NPAS3: variants seen among roughly 807,000 people sequenced by gnomAD.
NPAS3 encodes the protein neuronal PAS domain protein 3.
In NPAS3, 14 loss-of-function variants were observed where a neutral mutation model predicts 73.1. The ratio of observed to expected loss-of-function variants is 0.19; its 90% confidence interval spans 0.13 to 0.30. The LOEUF is 0.30. Among genes scored for constraint, NPAS3 ranks in the 10% least tolerant of loss-of-function variants. NPAS3 has a pLI of 1.00. For missense variants in NPAS3, 1,096 were observed against 1,250.0 expected, an observed-to-expected ratio of 0.88 and a Z score of 1.86; for synonymous variants, 620 against 541.5, an observed-to-expected ratio of 1.14 and a Z score of -2.01.
intron 3 of NPAS3, among the ~76,000 whole-genome samples, chr14:33,272,935 C>T (rs1200399223): frequency 1.3e-5 from 2 of 152,200 alleles, no homozygotes; most frequent in South Asian, 4.1e-4. Flanking sequence ...GTTGTCTTGA[C>T]TAATTCCTCC....
intron 2 of NPAS3, among the ~76,000 whole-genome samples, chr14:33,095,887 T>C (rs1003547137): frequency 1.3e-5 from 2 of 151,660 alleles, no homozygotes; most frequent in African/African-American, 4.9e-5. Context: ...TTTGCCAGGA[T>C]GGTCTCGATC....
At chr14:33,715,132 A>G (rs893567373) in intron 6 of NPAS3, among the ~76,000 whole-genome samples, 4 of 152,184 alleles carry the variant, frequency 2.6e-5, no homozygotes, top group Non-Finnish European at 4.4e-5. Context: ...AGTTAAAGTG[A>G]CTTTGACTAT....
At chr14:33,722,749 C>A (rs2061151728) in intron 6 of NPAS3, among the ~76,000 whole-genome samples, 1 of 152,094 alleles carries the variant, frequency 6.6e-6, no homozygotes, top group Non-Finnish European at 1.5e-5. Flanking sequence ...TCATTTCTGG[C>A]TTCTCTAAAT....
chr14:33,134,611 G>T (rs960089957), intron 2 of NPAS3, among the ~76,000 whole-genome samples: 2 of 152,082 alleles, frequency 1.3e-5, no homozygotes, highest in African/African-American at 4.8e-5. Flanking sequence ...TTTGCCTGTG[G>T]TCTGTTTGGT....
intron 2 of NPAS3, among the ~76,000 whole-genome samples, chr14:33,065,951 T>C (rs1215401528): frequency 6.6e-6 from 1 of 152,142 alleles, no homozygotes; most frequent in Non-Finnish European, 1.5e-5. Flanking sequence ...CTTGAAAAAC[T>C]GTTTTAGGAG....
At chr14:33,437,944 C>T (rs568841479) in intron 4 of NPAS3, among the ~76,000 whole-genome samples, 2 of 152,182 alleles carry the variant, frequency 1.3e-5, no homozygotes, top group African/African-American at 4.8e-5. Flanking sequence ...CCAGCATTGT[C>T]TGTTTATAGT....
intron 1 of NPAS3, among the ~76,000 whole-genome samples, chr14:33,022,154 A>G (rs1339172981): frequency 6.6e-6 from 1 of 152,230 alleles, no homozygotes; most frequent in East Asian, 1.9e-4. Context: ...TTTAAAAGGT[A>G]TATTTACCTT....
At chr14:33,507,189 GAT>G (rs1417743010) in intron 4 of NPAS3, among the ~76,000 whole-genome samples, 1 of 151,976 alleles carries the variant, frequency 6.6e-6, no homozygotes, top group Admixed American at 6.6e-5. Flanking sequence ...ATATATTTGG[GAT>G]GTTAGCCCAA....
chr14:33,180,712 T>C (rs998891976), intron 2 of NPAS3, among the ~76,000 whole-genome samples: 4 of 139,176 alleles, frequency 2.9e-5, no homozygotes, highest in African/African-American at 1.1e-4. Context: ...GGCAGGAGAA[T>C]GGCATGAACC....
intron 2 of NPAS3, among the ~76,000 whole-genome samples, chr14:33,071,169 T>A (rs2041471772): frequency 6.6e-6 from 1 of 152,296 alleles, no homozygotes; most frequent in Admixed American, 6.5e-5. Context: ...TGGTTTATCA[T>A]CATTAGGAAC....
intron 3 of NPAS3, among the ~76,000 whole-genome samples, chr14:33,321,615 A>G (rs1334403081): frequency 2.0e-5 from 3 of 151,978 alleles, no homozygotes; most frequent in Non-Finnish European, 4.4e-5. Flanking sequence ...AGTCACCTTG[A>G]ACAGATGACT....
chr14:33,775,925 A>C (rs1353735662), intron 8 of NPAS3, among the ~76,000 whole-genome samples: 1 of 152,210 alleles, frequency 6.6e-6, no homozygotes, highest in Non-Finnish European at 1.5e-5. Flanking sequence ...GCTTTAGGAC[A>C]GTCCTGTGAG....
intron 5 of NPAS3, among the ~76,000 whole-genome samples, chr14:33,617,588 CG>C (rs929316180): frequency 6.6e-6 from 1 of 152,158 alleles, no homozygotes; most frequent in African/African-American, 2.4e-5. Flanking sequence ...TTATGCCCAT[CG>C]GAAGTAATGT....
At chr14:33,163,620 G>GTTTTTT (rs1555347674) in intron 2 of NPAS3, among the ~76,000 whole-genome samples, 1 of 96,094 alleles carries the variant, frequency 1.0e-5, no homozygotes, top group Non-Finnish European at 2.3e-5. Flanking sequence ...GAAGTGTTTT[G>GTTTTTT]TTGTTTTTTT....
chr14:33,252,837 T>G (rs915525165), intron 3 of NPAS3, among the ~76,000 whole-genome samples: 5 of 151,994 alleles, frequency 3.3e-5, no homozygotes, highest in African/African-American at 1.2e-4. Context: ...TATCTATCTT[T>G]ATGTTTATAT....
intron 4 of NPAS3, among the ~76,000 whole-genome samples, chr14:33,434,020 G>A (rs561323718): frequency 2.2e-4 from 34 of 151,542 alleles, no homozygotes; most frequent in African/African-American, 5.8e-4. Context: ...GTGAAACCCC[G>A]TCTTTACTAA....
In NPAS3 at chr14:33,051,101, C is replaced by T. The variant is rs568040063; in HGVS notation, c.51-4804C>T. 6.7e-5 allele frequency among the ~76,000 whole-genome samples: 10 copies of T among 149,944 alleles called. No individual in the cohort carries two copies. The South Asian group carries it at 1.7e-3, about 25-fold the overall frequency. On this transcript the variant is annotated intron_variant, in intron 1 of 11. Transcript: ENST00000356141. ...CATCCTGGCTAACAAGGTGAAACCC[C>T]GTCTCTACTAAAAATACAAAAAATT...
rs185215180 is a variant in NPAS3, at chr14:33,019,219, G to A, written c.51-36686G>A. On this transcript the variant is annotated intron_variant, in intron 1 of 11. Transcript: ENST00000356141. ...GCTGTTTAGCACAATGAAAGTTCTT[G>A]TTTGACCATAACTGCACATCTCACT... Among the ~76,000 whole-genome samples the A allele has an allele frequency of 2.6e-3, 398 of 152,312 alleles. 1 individual carries two copies. Among genetic ancestry groups the A allele is most frequent in the Admixed American group, 7.1e-3 (108 of 15,296 alleles).
intron 3 of NPAS3, among the ~76,000 whole-genome samples, chr14:33,255,534 C>G (rs1406016107): frequency 6.6e-6 from 1 of 151,880 alleles, no homozygotes; most frequent in Non-Finnish European, 1.5e-5. Flanking sequence ...TATTTTTTTT[C>G]CAAGGCTCAA....
Sources: allele counts gnomAD v4.1 joint callset (sites outside exome capture counted in the v4.1 genomes callset), GRCh38; gene constraint gnomAD v4.1.1; transcripts MANE v1.5; gene names NCBI Gene and HGNC (gene_info 2026-07-23, HGNC 2026-07-21).